DGKB: variants seen among roughly 807,000 people sequenced by gnomAD.
The protein encoded by DGKB is 90 kDa diacylglycerol kinase.
Under a neutral mutation model 114.3 loss-of-function variants are expected in DGKB, and 67 were observed. That is an observed-to-expected ratio of 0.59 (90% CI 0.48 to 0.72). DGKB has a LOEUF of 0.72. Ranked by LOEUF, DGKB falls within the 30% of genes least tolerant of loss-of-function variation. DGKB has a pLI of 0.00. For missense variants in DGKB, 907 were observed against 975.2 expected, an observed-to-expected ratio of 0.93 and a Z score of 0.93; for synonymous variants, 398 against 323.1, an observed-to-expected ratio of 1.23 and a Z score of -2.49.
chr7:14,923,711 C>T (rs1784615660), intron 1 of DGKB, among the ~76,000 whole-genome samples: 1 of 152,002 alleles, frequency 6.6e-6, no homozygotes, highest in African/African-American at 2.4e-5. Context: ...AAGCTTTGTC[C>T]TGGCCGGGCA....
chr7:14,668,679 C>T (rs1818457271), intron 13 of DGKB, among the ~76,000 whole-genome samples: 1 of 152,102 alleles, frequency 6.6e-6, no homozygotes, highest in Non-Finnish European at 1.5e-5. Flanking sequence ...ACCTTGATTC[C>T]AACAACCTTT....
At chr7:14,964,275 C>G (rs1287061274) in intron 1 of DGKB, among the ~76,000 whole-genome samples, 2 of 152,080 alleles carry the variant, frequency 1.3e-5, no homozygotes, top group Non-Finnish European at 2.9e-5. Context: ...GGAGGCCAGA[C>G]AGGCAGATGG....
intron 2 of DGKB, among the ~76,000 whole-genome samples, chr7:14,779,028 T>C (rs1018202180): frequency 6.6e-6 from 1 of 152,170 alleles, no homozygotes; most frequent in Middle Eastern, 3.4e-3. Context: ...TGGTGGCACA[T>C]GCCTGTAGTC....
rs7779922 is a variant in DGKB, at chr7:14,169,175, C to T, written c.2304+7664G>A. Among the ~76,000 whole-genome samples the T allele has an allele frequency of 1.4e-3, 201 of 148,822 alleles. 1 individual carries two copies. The highest frequency in any genetic ancestry group is 4.2e-3 in the African/African-American group (172 of 40,668). On this transcript the variant is annotated intron_variant, in intron 25 of 25. Coordinates refer to ENST00000402815, the MANE Select transcript of DGKB (RefSeq NM_001350709.2). ...GAGATCAAGACCACCCTGGCTAACACGGTGAAACCCAGTCTCTACTAAAAA... is the reference window on the plus strand; with the variant it reads ...GAGATCAAGACCACCCTGGCTAACATGGTGAAACCCAGTCTCTACTAAAAA...
At chr7:14,369,946 T>C (rs1817359737) in intron 21 of DGKB, among the ~76,000 whole-genome samples, 1 of 152,252 alleles carries the variant, frequency 6.6e-6, no homozygotes, top group Non-Finnish European at 1.5e-5. Context: ...AGCTGTTTCA[T>C]TTCATTAGAT....
chr7:14,157,667 C>A (rs1344039922), intron 25 of DGKB, among the ~76,000 whole-genome samples: 1 of 152,092 alleles, frequency 6.6e-6, no homozygotes, highest in East Asian at 1.9e-4. Context: ...AAATTGTGTT[C>A]TTCATTCCAA....
At chr7:14,715,812 T>C (rs988841831) in intron 6 of DGKB, among the ~76,000 whole-genome samples, 2 of 152,214 alleles carry the variant, frequency 1.3e-5, no homozygotes, top group Non-Finnish European at 2.9e-5. Flanking sequence ...AAAGTGGTTT[T>C]GTTATATACA....
intron 2 of DGKB, among the ~76,000 whole-genome samples, chr7:14,799,286 C>G (rs1403686990): frequency 6.6e-6 from 1 of 152,178 alleles, no homozygotes; most frequent in African/African-American, 2.4e-5. Flanking sequence ...GAAATACATT[C>G]TCACTGTCCT....
chr7:14,761,662 A>G (rs1835714149), intron 2 of DGKB, among the ~76,000 whole-genome samples: 1 of 152,194 alleles, frequency 6.6e-6, no homozygotes, highest in Non-Finnish European at 1.5e-5. Context: ...AATTCAGCTA[A>G]TAATAGAGCT....
At chr7:14,781,554 T>C (rs1839089875) in intron 2 of DGKB, among the ~76,000 whole-genome samples, 1 of 152,154 alleles carries the variant, frequency 6.6e-6, no homozygotes, top group Non-Finnish European at 1.5e-5. Context: ...TAATCACAAT[T>C]TTTCCTTGGT....
At chr7:14,944,638 C>G (rs1191822456) in intron 1 of DGKB, among the ~76,000 whole-genome samples, 1 of 151,682 alleles carries the variant, frequency 6.6e-6, no homozygotes, top group Non-Finnish European at 1.5e-5. Context: ...CCTCCTTGAC[C>G]AGGTTATTTG....
At chr7:14,821,770 G>A (rs977832440) in intron 2 of DGKB, among the ~76,000 whole-genome samples, 3 of 152,096 alleles carry the variant, frequency 2.0e-5, no homozygotes, top group African/African-American at 7.2e-5. Flanking sequence ...GGAATTTATT[G>A]GCCTCTCTGT....
intron 20 of DGKB, among the ~76,000 whole-genome samples, chr7:14,561,787 A>C (rs576408375): frequency 6.6e-6 from 1 of 152,336 alleles, no homozygotes; most frequent in African/African-American, 2.4e-5. Context: ...AGAGCATAAA[A>C]GTTTGGAAAA....
At chr7:14,217,415 T>G (rs547364059) in intron 23 of DGKB, among the ~76,000 whole-genome samples, 174 of 152,216 alleles carry the variant, frequency 1.1e-3, no homozygotes, top group Non-Finnish European at 2.1e-3. Context: ...GCAATCTGTA[T>G]AATTTCACTT....
At chr7:14,303,282 G>A (rs2128491580) in intron 23 of DGKB, among the ~76,000 whole-genome samples, 1 of 152,196 alleles carries the variant, frequency 6.6e-6, no homozygotes, top group South Asian at 2.1e-4. Context: ...TTTTACTTGA[G>A]GAATTACATA....
intron 21 of DGKB, among the ~76,000 whole-genome samples, chr7:14,347,374 C>G (rs530193966): frequency 1.4e-4 from 22 of 152,058 alleles, no homozygotes; most frequent in Non-Finnish European, 2.6e-4. Context: ...TTATGGAAAA[C>G]AGTACTAAGT....
intron 8 of DGKB, among the ~76,000 whole-genome samples, chr7:14,695,216 C>T (rs1442658674): frequency 6.6e-6 from 1 of 152,092 alleles, no homozygotes; most frequent in Non-Finnish European, 1.5e-5. Flanking sequence ...TCTTGCCTCT[C>T]AAGAGCTTGC....
At chr7:14,639,292 A>T (rs1423348259) in intron 13 of DGKB, among the ~76,000 whole-genome samples, 1 of 152,212 alleles carries the variant, frequency 6.6e-6, no homozygotes, top group Non-Finnish European at 1.5e-5. Context: ...GTGTGGCTTA[A>T]AAGGTAAAAG....
At chr7:14,197,877 T>C (rs1055255688) in intron 23 of DGKB, among the ~76,000 whole-genome samples, 1 of 152,056 alleles carries the variant, frequency 6.6e-6, no homozygotes, top group Non-Finnish European at 1.5e-5. Context: ...ATTGAGCAAA[T>C]GCTACAAATG....
Sources: gnomAD v4.1 joint callset for allele counts (sites outside exome capture counted in the v4.1 genomes callset) on GRCh38, gnomAD v4.1.1 for gene constraint, MANE v1.5 for transcripts, NCBI Gene and HGNC (gene_info 2026-07-23, HGNC 2026-07-21) for gene names.